The following PAQR7 variants were observed in gnomAD, a reference collection of about 807,000 sequenced individuals.
The protein encoded by PAQR7 is membrane progestin receptor alpha.
A neutral mutation model predicts 24.6 loss-of-function variants in PAQR7; 14 were observed. The observed-to-expected ratio is 0.57, with a 90% CI of 0.38 to 0.89. The LOEUF (loss-of-function observed/expected upper bound fraction) is 0.89, where lower values mean the gene tolerates loss of function less well. PAQR7 is among the 40% of genes least tolerant of loss of function. The probability of loss-of-function intolerance (pLI) is 0.00; values close to 1 mark genes in which losing one functional copy is unlikely to be tolerated. For synonymous variants in PAQR7, 189 were observed against 198.8 expected (o/e 0.95, Z 0.42); for missense variants, 351 against 444.0 (o/e 0.79, Z 1.88).
At position 25,863,736 on chromosome 1, in the gene PAQR7, C is replaced by T. The variant is rs891914835; in HGVS notation, c.104G>A (p.Arg35Gln). ...CCAGAAGAGCGGCGGCACCTCAGCT[C>T]GATCCACCGTGAAGACAGGCTCTGG... is the stretch of plus-strand genomic sequence containing the variant. ...LQPEPVFTVD[R>Q]AEVPPLFWKP... Residue 35 changes from arginine to glutamine, a missense_variant, in exon 3 of 3, where the codon CGA becomes CAA. By Grantham distance (43) the Arg-to-Gln change is conservative. Transcript: ENST00000675840. This position sits in a 1 kb window ranked among gnomAD's most constrained non-coding sequence, Gnocchi z 6.1. 11 of 1,613,868 alleles carry T rather than the reference C, an allele frequency of 6.8e-6. No individual in the cohort carries two copies. The highest frequency in any genetic ancestry group is 2.2e-5 in the East Asian group (1 of 44,866).
chr1:25,870,206 G>T (rs1172481413), intron 2 of PAQR7, among the ~76,000 whole-genome samples: 1 of 152,150 alleles, frequency 6.6e-6, no homozygotes, highest in East Asian at 1.9e-4. Context: ...CCAGGCTGCT[G>T]GGCCCTGTCT....
At chr1:25,866,102 C>G (rs1390317109) in intron 2 of PAQR7, among the ~76,000 whole-genome samples, 2 of 152,076 alleles carry the variant, frequency 1.3e-5, no homozygotes, top group Non-Finnish European at 2.9e-5. Context: ...CATTTAACAA[C>G]TGATGAACCA....
At chr1:25,873,220 A>C (rs1210821866) in intron 1 of PAQR7, among the ~76,000 whole-genome samples, 1 of 152,006 alleles carries the variant, frequency 6.6e-6, no homozygotes, top group Non-Finnish European at 1.5e-5. Flanking sequence ...CTCCCTCACA[A>C]CTCTCTGGAT....
intron 2 of PAQR7, among the ~76,000 whole-genome samples, chr1:25,869,082 G>A (rs1035027008): frequency 3.3e-5 from 5 of 151,866 alleles, no homozygotes; most frequent in African/African-American, 9.7e-5. Context: ...AGCCAAGATC[G>A]CACTACTGCA....
chr1:25,874,110 C>T (rs1179348346), intron 1 of PAQR7, among the ~76,000 whole-genome samples: 1 of 151,794 alleles, frequency 6.6e-6, no homozygotes, highest in Non-Finnish European at 1.5e-5. Context: ...CTCAAACTCC[C>T]AACCTCAGGT....
chr1:25,868,101 G>A (rs943567439), intron 2 of PAQR7, among the ~76,000 whole-genome samples: 15 of 152,184 alleles, frequency 9.9e-5, no homozygotes, highest in African/African-American at 3.4e-4. Flanking sequence ...TCAACAATCT[G>A]GCCCCCACTC....
intron 2 of PAQR7, among the ~76,000 whole-genome samples, chr1:25,867,256 G>A (rs1276805178): frequency 6.6e-6 from 1 of 151,874 alleles, no homozygotes; most frequent in Admixed American, 6.6e-5. Context: ...GGCTGGTCTC[G>A]AACTCCTGGC....
chr1:25,874,854 C>T (rs1409220434), intron 1 of PAQR7, among the ~76,000 whole-genome samples: 1 of 152,170 alleles, frequency 6.6e-6, no homozygotes, highest in Admixed American at 6.5e-5. Context: ...GGGGAGGCTC[C>T]CTCATCCCCC....
At chr1:25,870,187 G>A (rs1412766602) in intron 2 of PAQR7, among the ~76,000 whole-genome samples, 5 of 152,156 alleles carry the variant, frequency 3.3e-5, no homozygotes, top group Admixed American at 1.3e-4. Flanking sequence ...CCTCTGAGTC[G>A]TGTGCCCACC....
intron 2 of PAQR7, among the ~76,000 whole-genome samples, chr1:25,866,927 C>T (rs2048561858): frequency 6.6e-6 from 1 of 152,172 alleles, no homozygotes; most frequent in South Asian, 2.1e-4. Flanking sequence ...GACAGGGTTT[C>T]ACCACATTGG....
Position 25,862,405 on chromosome 1 carries a change from G to A in PAQR7, c.*394C>T, listed in dbSNP as rs759550196. On this transcript the variant is annotated 3_prime_UTR_variant, in exon 3 of 3. Coordinates refer to ENST00000675840, the MANE Select transcript of PAQR7 (RefSeq NM_178422.6). The stretch of plus-strand genomic sequence containing the variant: ...AATGAAATCTGAGTAGAAGTAGGTT[G>A]CCAAGGCCTCCCCTGGCTCAGCTCA... 9 of 196,766 alleles carry A rather than the reference G, an allele frequency of 4.6e-5. No homozygotes were observed. The highest frequency in any genetic ancestry group is 9.3e-5 in the Non-Finnish European group (9 of 96,326). The allele number at this position is 196,766 out of a possible 1,614,324, so 12.2% of individuals were successfully genotyped here. A position where few individuals can be genotyped will look rare whatever the true frequency, so the allele number is the denominator to read the frequency against.
chr1:25,875,320 C>T lies in PAQR7; in HGVS notation c.-109+168G>A, dbSNP rs2048641886. Among the ~76,000 whole-genome samples the T allele has an allele frequency of 6.6e-6, 1 of 152,234 alleles. No individual in the cohort carries two copies. The highest frequency in any genetic ancestry group is 2.1e-4 in the South Asian group (1 of 4,838). ...CCTCTCACTTAGCCCAGGTGCTCCC[C>T]TCCGGCTCCGCGTCCTGCCTGTCTT... On this transcript the variant is annotated intron_variant, in intron 1 of 2. Transcript: ENST00000675840. The surrounding 1 kb of genome is among the most constrained non-coding windows in gnomAD (Gnocchi z 5.4).
chr1:25,872,662 C>T lies in PAQR7; in HGVS notation c.-108-1968G>A, dbSNP rs142900456. On this transcript the variant is annotated intron_variant, in intron 1 of 2. Coordinates refer to ENST00000675840, the MANE Select transcript of PAQR7 (RefSeq NM_178422.6). ...TGAGTAGTTGGGAATCACAGGCGCA[C>T]GCTACCATGCCTATTTTTTTAAATT... Among the ~76,000 whole-genome samples the T allele has an allele frequency of 3.3e-4, 50 of 152,110 alleles. No homozygotes were observed. The South Asian group carries it at 8.5e-3, about 26-fold the overall frequency.
chr1:25,863,883 A>T lies in PAQR7; in HGVS notation c.-22-22T>A. On this transcript the variant is annotated intron_variant, in intron 2 of 2. Transcript: ENST00000675840. The surrounding 1 kb of genome is among the most constrained non-coding windows in gnomAD (Gnocchi z 6.1). ...GGAGCTGGGAGAGAGACCAGAGCAA[A>T]GTCAGGGGCCTGGTGTCCTCACCCC... is the stretch of plus-strand genomic sequence containing the variant. 1 of 1,555,828 alleles carries T rather than the reference A, an allele frequency of 6.4e-7. No homozygotes were observed. Among genetic ancestry groups the T allele is most frequent in the Admixed American group, 1.9e-5 (1 of 51,800 alleles).
chr1:25,869,569 A>C (rs1232641364), intron 2 of PAQR7, among the ~76,000 whole-genome samples: 1 of 7,092 alleles, frequency 1.4e-4, no homozygotes, highest in Admixed American at 1.5e-3. Flanking sequence ...GAGACTCTCT[A>C]AAAAAAAAAA....
chr1:25,862,974 T>C lies in PAQR7; in HGVS notation c.866A>G (p.Gln289Arg). ...HIFLVLCTLA[Q>R]LEAVALDYEA... ...ATAGTCCAGTGCCACAGCCTCCAGC[T>C]GAGCCAGCGTGCACAGCACCAAGAA... Residue 289 changes from glutamine to arginine, a missense_variant, in exon 3 of 3, where the codon CAG (glutamine) becomes CGG (arginine). Physicochemically the swap from Gln to Arg is conservative, Grantham distance 43. Coordinates refer to ENST00000675840, the MANE Select transcript of PAQR7 (RefSeq NM_178422.6). The C allele has an allele frequency of 6.2e-7, 1 of 1,614,118 alleles. No individual in the cohort carries two copies. The highest frequency in any genetic ancestry group is 1.1e-5 in the South Asian group (1 of 91,090).
chr1:25,871,777 A>C (rs1252620859), intron 1 of PAQR7, among the ~76,000 whole-genome samples: 2 of 152,236 alleles, frequency 1.3e-5, no homozygotes, highest in Non-Finnish European at 2.9e-5. Flanking sequence ...GATTTCACTC[A>C]GTGCTTATAC....
rs138625696 is a variant in PAQR7, at chr1:25,874,609, G to A, written c.-109+879C>T. On this transcript the variant is annotated intron_variant, in intron 1 of 2. Transcript: ENST00000675840. ...GACTAGAGGCTGGGTCCCTCTCTCC[G>A]ATAGGAGCTCAGACTTGGGGTCCTG... Among the ~76,000 whole-genome samples the A allele has an allele frequency of 6.7e-3, 1,021 of 152,264 alleles. 13 individuals carry two copies. The highest frequency in any genetic ancestry group is 0.022 in the African/African-American group (933 of 41,534).
rs2048642200 is a variant in PAQR7 at position 25,875,345 on chromosome 1, T to G, written c.-109+143A>C. The stretch of plus-strand genomic sequence containing the variant: ...CTCCGGCTCCGCGTCCTGCCTGTCT[T>G]CCCCGGGTCCCAAGTCCGCCCCTGC... On this transcript the variant is annotated intron_variant, in intron 1 of 2. Coordinates refer to ENST00000675840, the MANE Select transcript of PAQR7 (RefSeq NM_178422.6). This position sits in a 1 kb window ranked among gnomAD's most constrained non-coding sequence, Gnocchi z 5.4. Among the ~76,000 whole-genome samples the G allele has an allele frequency of 6.6e-6, 1 of 152,036 alleles. No homozygotes were observed. Among genetic ancestry groups the G allele is most frequent in the African/African-American group, 2.4e-5 (1 of 41,390 alleles).
Sources: gnomAD v4.1 joint callset for allele counts (sites outside exome capture counted in the v4.1 genomes callset) on GRCh38, gnomAD v4.1.1 for gene constraint, Gnocchi (gnomAD v3.1) non-coding constraint, MANE v1.5 for transcripts, NCBI Gene and HGNC (gene_info 2026-07-23, HGNC 2026-07-21) for gene names.